Variants in HERC2 observed in about 807,000 individuals in gnomAD.
HERC2 encodes the protein HECT and RLD domain containing E3 ubiquitin protein ligase 2.
HERC2 carries 102 observed loss-of-function variants against 537.7 expected under a neutral mutation model. The ratio of observed to expected loss-of-function variants is 0.19; its 90% CI spans 0.16 to 0.22. HERC2 has a LOEUF of 0.22. Ranked by LOEUF, HERC2 falls within the 10% of genes least tolerant of loss-of-function variation. The pLI is 1.00. For missense variants in HERC2, 4,236 were observed against 6,198.2 expected, an observed-to-expected ratio of 0.68 and a Z score of 10.63; for synonymous variants, 2,224 against 2,466.2, an observed-to-expected ratio of 0.90 and a Z score of 2.91.
intron 2 of HERC2, chr15:28,315,653 C>T (rs2077062372): frequency 1.6e-6 from 1 of 639,496 alleles, no homozygotes; most frequent in South Asian, 1.5e-5. Flanking sequence ...AATTATCTGG[C>T]TCTCGGCGTT....
intron 78 of HERC2, among the ~76,000 whole-genome samples, chr15:28,140,821 C>A (rs1319324529): frequency 6.6e-6 from 1 of 151,696 alleles, no homozygotes; most frequent in Non-Finnish European, 1.5e-5. Flanking sequence ...CGCACCGGGT[C>A]AGCAGCAATA....
At chr15:28,192,481 T>G (rs1896942437) in intron 52 of HERC2, among the ~76,000 whole-genome samples, 3 of 152,164 alleles carry the variant, frequency 2.0e-5, no homozygotes, top group African/African-American at 7.2e-5. Flanking sequence ...AATGCTTTTA[T>G]AAATACAAGG....
Position 28,201,569 on chromosome 15 carries a change from T to G in HERC2, c.7618-15A>C. 1 of 1,551,522 alleles carries G rather than the reference T, an allele frequency of 6.4e-7. No individual in the cohort carries two copies. The highest frequency in any genetic ancestry group is 8.9e-7 in the Non-Finnish European group (1 of 1,123,638). On this transcript the variant is annotated splice_polypyrimidine_tract_variant and intron_variant, in intron 47 of 92. Coordinates refer to ENST00000261609, the MANE Select transcript of HERC2 (RefSeq NM_004667.6). ...GCACCAGTAGACTGCAAGAAATAAA[T>G]ACATTCAAACAAAAAAACAGGAGAA... is the stretch of plus-strand genomic sequence containing the variant.
chr15:28,114,920 G>C (rs751516892), intron 89 of HERC2, 118 bp from the exon 90 acceptor site: 2 of 762,396 alleles, frequency 2.6e-6, no homozygotes, highest in African/African-American at 3.5e-5. Flanking sequence ...AGTGCATCTC[G>C]AGGCTGCAAG....
chr15:28,152,599 C>A, intron 70 of HERC2, 78 bp downstream of exon 70: 1 of 1,265,048 alleles, frequency 7.9e-7, no homozygotes, highest in South Asian at 1.7e-5. Context: ...ATGGTTGTTT[C>A]TACTGAAGCA....
chr15:28,213,882 G>A lies in HERC2; in HGVS notation c.6646C>T (p.Arg2216Cys). ...VLAVIGGIDG[R>C]LRLGGQVMHD... ...ATAACTTGACCGCCCAGGCGCAGGC[G>A]ACCATCGATGCCTCCAATCACAGCC... The change falls in exon 42 of 93, where the codon CGC (arginine) becomes TGC (cysteine). Residue 2216 changes from arginine to cysteine, a missense_variant. This residue lies in a region of HERC2 where 365 missense variants were observed against 468.8 expected (regional missense o/e 0.78). Coordinates refer to ENST00000261609, the MANE Select transcript of HERC2 (RefSeq NM_004667.6). The A allele has an allele frequency of 5.0e-6, 8 of 1,613,970 alleles. No individual in the cohort carries two copies. Among genetic ancestry groups the A allele is most frequent in the East Asian group, 4.5e-5 (2 of 44,854 alleles).
chr15:28,134,472 G>A (rs1204584761), intron 79 of HERC2, among the ~76,000 whole-genome samples: 2 of 152,042 alleles, frequency 1.3e-5, no homozygotes, highest in Admixed American at 6.5e-5. Context: ...CTGCTGTACC[G>A]CACTTACTAA....
chr15:28,173,442 T>C (rs1894887000), intron 65 of HERC2, among the ~76,000 whole-genome samples: 1 of 152,208 alleles, frequency 6.6e-6, no homozygotes, highest in Non-Finnish European at 1.5e-5. Flanking sequence ...ATTATTATGC[T>C]GAGTGGAAAA....
intron 48 of HERC2, among the ~76,000 whole-genome samples, chr15:28,200,273 T>C (rs1049708322): frequency 3.3e-5 from 5 of 152,112 alleles, no homozygotes; most frequent in Admixed American, 3.3e-4. Flanking sequence ...TGCATGTCTG[T>C]AATCCCAGCT....
intron 31 of HERC2, 105 bp from the exon 32 acceptor site, chr15:28,229,952 T>C (rs1266562980): frequency 4.7e-6 from 4 of 857,974 alleles, no homozygotes; most frequent in African/African-American, 3.4e-5. Flanking sequence ...TAGGTTTAAA[T>C]TGGTTAAATT....
chr15:28,269,288 T>C lies in HERC2; in HGVS notation c.1406A>G (p.Asn469Ser), dbSNP rs897869036. The change falls in exon 11 of 93, where the codon AAT (asparagine) becomes AGT (serine). Residue 469 changes from asparagine (N) to serine (S), a missense_variant. This residue lies in a region of HERC2 where 491 missense variants were observed against 559.3 expected (regional missense o/e 0.88). Coordinates refer to ENST00000261609, the MANE Select transcript of HERC2 (RefSeq NM_004667.6). Reference protein sequence around the residue: ...AEKRFLILSRNGRVYTQAYNS... With the variant: ...AEKRFLILSRSGRVYTQAYNS... The stretch of plus-strand genomic sequence containing the variant: ...ATAGGCCTGTGTGTACACGCGGCCA[T>C]TGCGTGACAGAATCAGGAAACGCTT... The C allele has an allele frequency of 2.5e-6, 4 of 1,613,990 alleles. No homozygotes were observed. Among genetic ancestry groups the C allele is most frequent in the Non-Finnish European group, 3.4e-6 (4 of 1,180,016 alleles).
At position 28,115,359 on chromosome 15, in the gene HERC2, C is replaced by T. The variant is rs768728140; in HGVS notation, c.13722+70G>A. 72 of 1,029,910 alleles carry T rather than the reference C, an allele frequency of 7.0e-5. No individual in the cohort carries two copies. In the East Asian group the frequency reaches 1.4e-3, roughly 20 times the overall value. 63.8% of individuals were successfully genotyped at this position (1,029,910 alleles called of 1,614,324 possible). ...ATTAGGCCAGAGTTCACAGCCTGAC[C>T]GGACCCGCAGAACAGACTGTGCCTG... On this transcript the variant is annotated intron_variant, in intron 89 of 92. Coordinates refer to ENST00000261609, the MANE Select transcript of HERC2 (RefSeq NM_004667.6).
rs769159696 is a variant in HERC2, at chr15:28,175,566, G to T, written c.9777C>A (p.Ile3259=). Residue 3259 remains isoleucine, a synonymous_variant, in exon 64 of 93, where the codon ATC becomes ATA. Transcript: ENST00000261609. ...QVVEGLRGKK[I]VHVAVGALHC... The stretch of plus-strand genomic sequence containing the variant: ...GCAGGGCCCCGACAGCCACATGCAC[G>T]ATCTTCTTCCCTCTCAGCCCTTCCA... 11 of 1,614,014 alleles carry T rather than the reference G, an allele frequency of 6.8e-6. No homozygotes were observed. The highest frequency in any genetic ancestry group is 1.1e-5 in the South Asian group (1 of 91,056).
chr15:28,222,621 A>G (rs1474227101), intron 35 of HERC2, among the ~76,000 whole-genome samples: 1 of 152,176 alleles, frequency 6.6e-6, no homozygotes, highest in Non-Finnish European at 1.5e-5. Context: ...GAAGACAGCT[A>G]ACAGCTGGCC....
chr15:28,271,280 C>G (rs2075720256), intron 9 of HERC2, among the ~76,000 whole-genome samples: 1 of 152,220 alleles, frequency 6.6e-6, no homozygotes, highest in Admixed American at 6.5e-5. Flanking sequence ...GTTGCCCACT[C>G]TGGAGAACAC....
At chr15:28,230,576 T>C in intron 30 of HERC2, 76 bp from the exon 31 acceptor site, 1 of 1,020,424 alleles carries the variant, frequency 9.8e-7, no homozygotes, top group South Asian at 1.4e-5. Context: ...TACTTAGATT[T>C]ACATGAAGGA....
chr15:28,240,720 G>A (rs1382768470), intron 23 of HERC2, among the ~76,000 whole-genome samples: 7 of 152,084 alleles, frequency 4.6e-5, no homozygotes, highest in Non-Finnish European at 1.0e-4. Context: ...GGAATAGAAT[G>A]GAGACCCCAA....
intron 65 of HERC2, among the ~76,000 whole-genome samples, chr15:28,170,934 T>G (rs1186756391): frequency 6.6e-6 from 1 of 152,212 alleles, no homozygotes; most frequent in African/African-American, 2.4e-5. Context: ...AAAACCACAA[T>G]GAGATACAAT....
chr15:28,184,113 C>A (rs750654223), intron 56 of HERC2, among the ~76,000 whole-genome samples: 27 of 152,006 alleles, frequency 1.8e-4, no homozygotes, highest in Non-Finnish European at 3.5e-4. Context: ...ATCACTTGAG[C>A]CCGGGAGGCA....
Sources: allele counts gnomAD v4.1 joint callset (sites outside exome capture counted in the v4.1 genomes callset), GRCh38; gene constraint gnomAD v4.1.1; regional missense constraint gnomAD v4.1.1; transcripts MANE v1.5; gene names NCBI Gene and HGNC (gene_info 2026-07-23, HGNC 2026-07-21).